The following ATG4C variants were observed in gnomAD, a reference collection of about 807,000 sequenced individuals.
The protein encoded by ATG4C is cysteine protease ATG4C.
In ATG4C, 56 loss-of-function variants were observed where a neutral mutation model predicts 57.6. The ratio of observed to expected loss-of-function variants is 0.97; its 90% CI spans 0.78 to 1.21. The LOEUF is 1.21. ATG4C is among the 50% of genes most tolerant of loss of function. The pLI is 0.00. For synonymous variants in ATG4C, 157 were observed against 174.1 expected (o/e 0.90, Z 0.78); for missense variants, 595 against 529.8 (o/e 1.12, Z -1.21).
chr1:62,819,051 A>C lies in ATG4C; in HGVS notation c.441A>C (p.Glu147Asp). The part of the protein sequence containing the change: ...DALNIENSDS[E>D]SWTSHTVKKF... ...TGAATATTGAAAATTCAGACTCTGA[A>C]TCATGGACTTCCCACACTGTCAAAA... is the stretch of plus-strand genomic sequence containing the variant. The change falls in exon 5 of 11, where the codon GAA becomes GAC. Residue 147 changes from glutamate to aspartate, a missense_variant. Transcript: ENST00000317868. 6.3e-7 allele frequency: 1 copy of C among 1,594,830 alleles called. No individual in the cohort carries two copies.
At chr1:62,859,445 A>G (rs1427658628) in intron 10 of ATG4C, among the ~76,000 whole-genome samples, 3 of 152,194 alleles carry the variant, frequency 2.0e-5, no homozygotes, top group Non-Finnish European at 4.4e-5. Flanking sequence ...GTATCTAAAC[A>G]TAGAAAAGAT....
intron 10 of ATG4C, among the ~76,000 whole-genome samples, chr1:62,843,252 A>G (rs966926532): frequency 6.6e-6 from 1 of 152,192 alleles, no homozygotes; most frequent in Non-Finnish European, 1.5e-5. Context: ...ATTCTTGAGC[A>G]TCAGAATAAT....
intron 3 of ATG4C, among the ~76,000 whole-genome samples, chr1:62,808,977 T>G (rs1399477874): frequency 6.6e-6 from 1 of 152,318 alleles, no homozygotes; most frequent in Non-Finnish European, 1.5e-5. Context: ...TTACCCAGGC[T>G]GGAGTGCAAC....
At chr1:62,810,950 G>T (rs974455379) in intron 3 of ATG4C, among the ~76,000 whole-genome samples, 1 of 152,090 alleles carries the variant, frequency 6.6e-6, no homozygotes. Context: ...CTATCATAGA[G>T]AAATTTTTTA....
chr1:62,795,107 T>C (rs936433265), intron 1 of ATG4C, among the ~76,000 whole-genome samples: 1 of 152,158 alleles, frequency 6.6e-6, no homozygotes, highest in Non-Finnish European at 1.5e-5. Context: ...ATTCCAGAGG[T>C]CTGCGGTGTT....
At chr1:62,795,853 A>G (rs1664444212) in intron 1 of ATG4C, among the ~76,000 whole-genome samples, 1 of 151,878 alleles carries the variant, frequency 6.6e-6, no homozygotes, top group Non-Finnish European at 1.5e-5. Context: ...AAAAAAGAAG[A>G]GAAGATTTAA....
At position 62,834,095 on chromosome 1, in the gene ATG4C, T is replaced by A; in HGVS notation, c.991T>A (p.Tyr331Asn). The change falls in exon 8 of 11, where the codon TAT becomes AAT. Residue 331 changes from tyrosine (Y) to asparagine (N), a missense_variant. Physicochemically the swap from Tyr to Asn is moderately radical, Grantham distance 143. Coordinates refer to ENST00000317868, the MANE Select transcript of ATG4C (RefSeq NM_032852.4). ...GIIGGKPKQSYYFAGFQDDSL... is the reference protein window; with the variant it reads ...GIIGGKPKQSNYFAGFQDDSL... ...TATTGGTGGCAAACCTAAACAGTCA[T>A]ATTACTTTGCTGGATTTCAAGGTTA... 6.2e-7 allele frequency: 1 copy of A among 1,612,796 alleles called. No homozygotes were observed. Among genetic ancestry groups the A allele is most frequent in the Non-Finnish European group, 8.5e-7 (1 of 1,179,238 alleles).
Position 62,819,327 on chromosome 1 carries a change from C to T in ATG4C, c.717C>T (p.His239=), listed in dbSNP as rs1319855235. The part of the protein sequence containing the change: ...GDWYGPAVVA[H]ILRKAVEEAR... Reference sequence around the variant, plus strand: ...GGTATGGACCAGCTGTGGTTGCTCACATTTTAAGGTAAAATTGTTTTAAAA... The same window carrying T: ...GGTATGGACCAGCTGTGGTTGCTCATATTTTAAGGTAAAATTGTTTTAAAA... The change falls in exon 5 of 11, where the codon CAC becomes CAT. Residue 239 remains histidine, a synonymous_variant. Coordinates refer to ENST00000317868, the MANE Select transcript of ATG4C (RefSeq NM_032852.4). The T allele has an allele frequency of 1.6e-5, 26 of 1,577,406 alleles. No homozygotes were observed. Among genetic ancestry groups the T allele is most frequent in the Non-Finnish European group, 2.1e-5 (25 of 1,167,264 alleles).
Position 62,864,122 on chromosome 1 carries a change from TA to T in ATG4C, c.1345del (p.Arg449AspfsTer13). On this transcript the variant is annotated frameshift_variant, in exon 11 of 11. Coordinates refer to ENST00000317868, the MANE Select transcript of ATG4C (RefSeq NM_032852.4). LOFTEE classifies it high-confidence loss of function. ...DLFSEDEKKQ[L>X]KRFSTEEFVL... ...TTTTCAGAGGATGAAAAGAAACAAT[TA>T]AAAAGATTTAGCACGGAAGAGTTTG... The T allele has an allele frequency of 6.2e-7, 1 of 1,607,064 alleles. No individual in the cohort carries two copies. Among genetic ancestry groups the T allele is most frequent in the South Asian group, 1.1e-5 (1 of 89,582 alleles).
intron 10 of ATG4C, among the ~76,000 whole-genome samples, chr1:62,853,574 C>A (rs566089005): frequency 6.6e-6 from 1 of 152,162 alleles, no homozygotes; most frequent in South Asian, 2.1e-4. Flanking sequence ...AGCCTCCTGA[C>A]TAGCTGGGAC....
intron 1 of ATG4C, among the ~76,000 whole-genome samples, chr1:62,801,110 G>A (rs1471701476): frequency 6.6e-6 from 1 of 152,210 alleles, no homozygotes; most frequent in Non-Finnish European, 1.5e-5. Context: ...AGCATATGCT[G>A]CATGTGAAGT....
intron 10 of ATG4C, among the ~76,000 whole-genome samples, chr1:62,850,551 C>A (rs1457941471): frequency 1.3e-5 from 2 of 152,006 alleles, no homozygotes; most frequent in African/African-American, 4.8e-5. Context: ...CATTCCCTAC[C>A]ATTTTCCCTA....
intron 10 of ATG4C, among the ~76,000 whole-genome samples, chr1:62,843,978 G>C (rs1268533806): frequency 6.6e-6 from 1 of 152,200 alleles, no homozygotes; most frequent in Non-Finnish European, 1.5e-5. Flanking sequence ...TCATATTTAA[G>C]AAGGGCTTTA....
At chr1:62,799,476 C>T (rs1420849789) in intron 1 of ATG4C, among the ~76,000 whole-genome samples, 2 of 152,126 alleles carry the variant, frequency 1.3e-5, no homozygotes, top group Non-Finnish European at 2.9e-5. Flanking sequence ...GGTAAAGTTA[C>T]TCTGAGTAAA....
chr1:62,863,928 G>A, intron 10 of ATG4C, 64 bp from the exon 11 acceptor site: 1 of 1,163,412 alleles, frequency 8.6e-7, no homozygotes, highest in East Asian at 2.5e-5. Context: ...CAGTAGATTT[G>A]TCGTGTGGTC....
intron 6 of ATG4C, among the ~76,000 whole-genome samples, chr1:62,823,995 A>C (rs774118532): frequency 2.2e-4 from 33 of 152,230 alleles, no homozygotes; most frequent in Non-Finnish European, 3.8e-4. Context: ...ATATCACCTT[A>C]TAATTGTTTG....
intron 3 of ATG4C, among the ~76,000 whole-genome samples, chr1:62,808,183 C>T (rs530076242): frequency 3.2e-4 from 49 of 152,254 alleles, no homozygotes; most frequent in African/African-American, 1.2e-3. Context: ...TGATACAGGG[C>T]AGTGCATCTG....
chr1:62,822,231 C>T (rs1180664013), intron 6 of ATG4C, among the ~76,000 whole-genome samples: 1 of 152,062 alleles, frequency 6.6e-6, no homozygotes, highest in Non-Finnish European at 1.5e-5. Flanking sequence ...CTGATAACCA[C>T]CTAGTGTTTG....
At chr1:62,862,725 T>C (rs1666893177) in intron 10 of ATG4C, among the ~76,000 whole-genome samples, 1 of 152,062 alleles carries the variant, frequency 6.6e-6, no homozygotes, top group Non-Finnish European at 1.5e-5. Context: ...TAAAAATATA[T>C]TTTATATAGT....
Sources: allele counts gnomAD v4.1 joint callset (sites outside exome capture counted in the v4.1 genomes callset), GRCh38; gene constraint gnomAD v4.1.1; transcripts MANE v1.5; gene names NCBI Gene and HGNC (gene_info 2026-07-23, HGNC 2026-07-21).